The following CDH18 variants were observed in gnomAD, a reference collection of about 807,000 sequenced individuals.
CDH18 encodes cadherin-18.
A neutral mutation model predicts 67.9 loss-of-function variants in CDH18; 31 were observed. The ratio of observed to expected loss-of-function variants is 0.46; its 90% confidence interval spans 0.34 to 0.62. The LOEUF (loss-of-function observed/expected upper bound fraction) is 0.62, where lower values mean the gene tolerates loss of function less well. Among genes scored for constraint, CDH18 ranks in the 20% least tolerant of loss-of-function variants. The probability of loss-of-function intolerance (pLI) is 0.01; values close to 1 mark genes in which losing one functional copy is unlikely to be tolerated. For synonymous variants in CDH18, 362 were observed against 347.2 expected (o/e 1.04, Z -0.48); for missense variants, 890 against 975.5 (o/e 0.91, Z 1.17).
chr5:20,316,575 A>G (rs902024203), intron 1 of CDH18, among the ~76,000 whole-genome samples: 1 of 152,066 alleles, frequency 6.6e-6, no homozygotes, highest in Non-Finnish European at 1.5e-5. Flanking sequence ...AGTTTGAATT[A>G]ATTGAAAATT....
chr5:19,905,736 G>A (rs1790467349), intron 2 of CDH18, among the ~76,000 whole-genome samples: 1 of 151,914 alleles, frequency 6.6e-6, no homozygotes, highest in African/African-American at 2.4e-5. Flanking sequence ...GTCTCAGGCT[G>A]TGAAACAACT....
intron 1 of CDH18, among the ~76,000 whole-genome samples, chr5:20,495,586 C>G (rs1406015555): frequency 1.3e-5 from 2 of 152,120 alleles, no homozygotes; most frequent in Non-Finnish European, 2.9e-5. Flanking sequence ...ACAATCAGAT[C>G]ATGGCATCTA....
At position 20,006,863 on chromosome 5, in the gene CDH18, T is replaced by C. The variant is rs140061513; in HGVS notation, c.-517-14849A>G. Among the ~76,000 whole-genome samples the C allele has an allele frequency of 2.5e-3, 378 of 152,082 alleles. 2 individuals carry two copies. Among genetic ancestry groups the C allele is most frequent in the African/African-American group, 6.7e-3 (280 of 41,556 alleles). On this transcript the variant is annotated intron_variant, in intron 2 of 14. Coordinates refer to the CDH18 transcript ENST00000507958. ...TCAAAATCACAACAAAAATTTCTTA[T>C]AACATTAGTTAACTTAGAGGGAAAT... is the stretch of plus-strand genomic sequence containing the variant.
chr5:19,804,264 T>C (rs1777803113), intron 3 of CDH18, among the ~76,000 whole-genome samples: 1 of 150,920 alleles, frequency 6.6e-6, no homozygotes, highest in Non-Finnish European at 1.5e-5. Flanking sequence ...ATCGCACCAC[T>C]GCACTCCAGC....
chr5:20,482,192 A>G (rs1752860201), intron 1 of CDH18, among the ~76,000 whole-genome samples: 3 of 152,024 alleles, frequency 2.0e-5, no homozygotes, highest in African/African-American at 7.2e-5. Flanking sequence ...TCTAGAAAAA[A>G]TGAATGAATT....
intron 8 of CDH18, among the ~76,000 whole-genome samples, chr5:19,569,033 C>A (rs953824787): frequency 3.9e-5 from 6 of 152,140 alleles, no homozygotes; most frequent in Non-Finnish European, 8.8e-5. Flanking sequence ...TCCCCCTTGG[C>A]CTACCTTTCA....
chr5:20,410,198 A>AC (rs58243546), intron 1 of CDH18, among the ~76,000 whole-genome samples: 137,951 of 151,682 alleles, frequency 0.91, 62,959 homozygotes, highest in East Asian at 1. Context: ...AAAACTACAG[A>AC]CAATATACTA....
chr5:20,206,590 T>G (rs1002462812), intron 2 of CDH18, among the ~76,000 whole-genome samples: 3 of 151,904 alleles, frequency 2.0e-5, no homozygotes, highest in Non-Finnish European at 4.4e-5. Flanking sequence ...CAACAAAATA[T>G]GAAATAATAT....
intron 2 of CDH18, among the ~76,000 whole-genome samples, chr5:19,895,561 A>T (rs1789230337): frequency 6.6e-6 from 1 of 152,182 alleles, no homozygotes; most frequent in Admixed American, 6.6e-5. Context: ...ACCTCTACAC[A>T]AATGTTGATA....
chr5:20,546,608 C>G (rs1310595000), intron 1 of CDH18, among the ~76,000 whole-genome samples: 3 of 152,076 alleles, frequency 2.0e-5, no homozygotes, highest in Admixed American at 1.3e-4. Context: ...AACTCACTCA[C>G]TATCACAATA....
intron 12 of CDH18, 143 bp downstream of exon 12, chr5:19,483,158 G>A: frequency 1.5e-6 from 1 of 685,252 alleles, no homozygotes. Context: ...ATTAATGACA[G>A]TATTGAGAAA....
chr5:20,262,983 G>A (rs1580614124), intron 1 of CDH18, among the ~76,000 whole-genome samples: 1 of 136,800 alleles, frequency 7.3e-6, no homozygotes, highest in East Asian at 2.4e-4. Flanking sequence ...GGGAAGGGAA[G>A]GGAAGGGAGG....
chr5:19,584,806 A>AAAG (rs1273634363), intron 7 of CDH18, among the ~76,000 whole-genome samples: 44 of 148,182 alleles, frequency 3.0e-4, no homozygotes, highest in East Asian at 5.9e-4. Flanking sequence ...AAAAAAAAAA[A>AAAG]AAAAAAGAAA....
intron 6 of CDH18, among the ~76,000 whole-genome samples, chr5:19,606,310 A>C (rs1748030017): frequency 6.6e-6 from 1 of 152,150 alleles, no homozygotes; most frequent in Non-Finnish European, 1.5e-5. Flanking sequence ...ATTAAAAATG[A>C]GCATTGGCTA....
intron 1 of CDH18, among the ~76,000 whole-genome samples, chr5:20,266,520 C>T (rs1471523121): frequency 6.6e-6 from 1 of 150,568 alleles, no homozygotes; most frequent in Non-Finnish European, 1.5e-5. Context: ...TCTCTTGCCT[C>T]AGCCTCCTGA....
intron 2 of CDH18, among the ~76,000 whole-genome samples, chr5:19,872,634 A>G (rs1436563644): frequency 6.6e-6 from 1 of 152,178 alleles, no homozygotes; most frequent in Middle Eastern, 3.2e-3. Context: ...TCAAGCTTCC[A>G]GATGAGAACA....
At chr5:19,971,721 G>T (rs771686463) in intron 2 of CDH18, among the ~76,000 whole-genome samples, 4 of 151,834 alleles carry the variant, frequency 2.6e-5, no homozygotes, top group Non-Finnish European at 5.9e-5. Flanking sequence ...AGGAAGACAG[G>T]ATCAAGAAAA....
At chr5:19,714,349 T>C (rs1346799347) in intron 5 of CDH18, among the ~76,000 whole-genome samples, 4 of 152,174 alleles carry the variant, frequency 2.6e-5, no homozygotes, top group South Asian at 2.1e-4. Context: ...AAATGAGAAA[T>C]TGATATTAAA....
chr5:20,415,184 G>T (rs1368637812), intron 1 of CDH18, among the ~76,000 whole-genome samples: 1 of 151,908 alleles, frequency 6.6e-6, no homozygotes, highest in African/African-American at 2.4e-5. Flanking sequence ...TCAGGAGTTT[G>T]AGGCCAGCCT....
Sources: allele counts gnomAD v4.1 joint callset (sites outside exome capture counted in the v4.1 genomes callset), GRCh38; gene constraint gnomAD v4.1.1; transcripts MANE v1.5; gene names NCBI Gene and HGNC (gene_info 2026-07-23, HGNC 2026-07-21).